GMDS: variants seen among roughly 807,000 people sequenced by gnomAD.
GMDS encodes GDP-mannose 4,6 dehydratase.
GMDS carries 20 observed loss-of-function variants against 49.9 expected under a neutral mutation model. That is an observed-to-expected ratio of 0.40 (90% confidence interval 0.28 to 0.58). The LOEUF (loss-of-function observed/expected upper bound fraction) is 0.58, where lower values mean the gene tolerates loss of function less well. GMDS is among the 20% of genes least tolerant of loss of function. GMDS has a pLI of 0.42. For missense variants in GMDS, 362 were observed against 481.4 expected (o/e 0.75, Z 2.32); for synonymous variants, 177 against 178.6 (o/e 0.99, Z 0.07).
chr6:2,214,341 T>A (rs564179533), intron 1 of GMDS, among the ~76,000 whole-genome samples: 198 of 152,290 alleles, frequency 1.3e-3, no homozygotes, highest in African/African-American at 4.3e-3. Flanking sequence ...CGGTTCCTCA[T>A]TGAGGATTCA....
intron 7 of GMDS, among the ~76,000 whole-genome samples, chr6:1,812,547 G>C (rs1374553234): frequency 6.6e-6 from 1 of 151,776 alleles, no homozygotes; most frequent in Admixed American, 6.6e-5. Flanking sequence ...AGGAGGAAGA[G>C]GAAGAGAAGG....
At position 1,710,402 on chromosome 6, in the gene GMDS, C is replaced by T. The variant is rs1009868619; in HGVS notation, c.987+16014G>A. ...TAGTTGATTTTCTTTTCCACGTCTG[C>T]GGCATTCATTCAGTCCCTAAACCCT... On this transcript the variant is annotated intron_variant, in intron 9 of 10. Coordinates refer to ENST00000380815, the MANE Select transcript of GMDS (RefSeq NM_001500.4). 7.2e-5 allele frequency among the ~76,000 whole-genome samples: 11 copies of T among 152,332 alleles called. 1 individual carries two copies. The highest frequency in any genetic ancestry group is 4.1e-4 in the South Asian group (2 of 4,828).
intron 9 of GMDS, among the ~76,000 whole-genome samples, chr6:1,645,734 T>TGGA (rs1219669808): frequency 2.0e-5 from 3 of 152,218 alleles, no homozygotes; most frequent in African/African-American, 7.2e-5. Flanking sequence ...TGCATTCTTC[T>TGGA]TTCCAGCCTG....
intron 7 of GMDS, among the ~76,000 whole-genome samples, chr6:1,830,420 C>A (rs1396731471): frequency 1.3e-5 from 2 of 152,206 alleles, no homozygotes; most frequent in Non-Finnish European, 1.5e-5. Context: ...GGATTGAGAA[C>A]CACTGTTCTA....
At chr6:1,707,633 C>T (rs980904877) in intron 9 of GMDS, among the ~76,000 whole-genome samples, 2 of 148,776 alleles carry the variant, frequency 1.3e-5, no homozygotes, top group African/African-American at 5.0e-5. Flanking sequence ...GCCCACCACA[C>T]ACAGGCCTGG....
chr6:1,964,665 G>C (rs1764160008), intron 4 of GMDS, among the ~76,000 whole-genome samples: 2 of 152,162 alleles, frequency 1.3e-5, no homozygotes, highest in Admixed American at 1.3e-4. Context: ...ATCCAATTTA[G>C]ATCACTAATA....
At chr6:1,831,072 A>G (rs1420335821) in intron 7 of GMDS, among the ~76,000 whole-genome samples, 1 of 152,278 alleles carries the variant, frequency 6.6e-6, no homozygotes, top group East Asian at 1.9e-4. Flanking sequence ...AGAATGATCC[A>G]GCAGAGTTAT....
chr6:2,111,231 C>G (rs574814317), intron 4 of GMDS, among the ~76,000 whole-genome samples: 11 of 152,288 alleles, frequency 7.2e-5, no homozygotes, highest in Non-Finnish European at 1.2e-4. Context: ...ACAAAAAAAG[C>G]AGTTTCCTAA....
intron 7 of GMDS, among the ~76,000 whole-genome samples, chr6:1,887,993 G>A (rs768812540): frequency 5.9e-5 from 9 of 151,978 alleles, no homozygotes; most frequent in Non-Finnish European, 1.3e-4. Flanking sequence ...CTGTGGCCTA[G>A]CCTGGAGTGT....
At chr6:1,790,253 C>T (rs1005686361) in intron 7 of GMDS, among the ~76,000 whole-genome samples, 1 of 152,052 alleles carries the variant, frequency 6.6e-6, no homozygotes, top group African/African-American at 2.4e-5. Context: ...CCCCTCTTCT[C>T]AAAAAGAAGA....
intron 7 of GMDS, among the ~76,000 whole-genome samples, chr6:1,851,051 A>G (rs1425067602): frequency 6.6e-6 from 1 of 152,240 alleles, no homozygotes; most frequent in Non-Finnish European, 1.5e-5. Context: ...CAGACTATAA[A>G]CAACAGCAAA....
chr6:2,224,993 C>T (rs1207045081), intron 1 of GMDS, among the ~76,000 whole-genome samples: 3 of 151,768 alleles, frequency 2.0e-5, no homozygotes, highest in East Asian at 2.0e-4. Context: ...AACGCACGTA[C>T]GTCCACACGA....
chr6:1,980,220 A>T (rs1052603153), intron 4 of GMDS, among the ~76,000 whole-genome samples: 1 of 152,160 alleles, frequency 6.6e-6, no homozygotes, highest in African/African-American at 2.4e-5. Flanking sequence ...AAATGGGCTA[A>T]ATGCTCCAAT....
intron 9 of GMDS, among the ~76,000 whole-genome samples, chr6:1,705,910 G>T (rs950387979): frequency 6.6e-6 from 1 of 152,210 alleles, no homozygotes; most frequent in African/African-American, 2.4e-5. Flanking sequence ...GCAATGAGAA[G>T]GGTGGCGGCG....
Position 1,974,756 on chromosome 6 carries a change from C to T in GMDS, c.346-13790G>A, listed in dbSNP as rs184338505. Among the ~76,000 whole-genome samples, 35 of 151,854 alleles carry T rather than the reference C, an allele frequency of 2.3e-4. No homozygotes were observed. In the East Asian group the frequency reaches 6.4e-3, roughly 28 times the overall value. ...ATAAAAAGGTAACCAATGGGCTGGG[C>T]ACGGTGGCTCATGCCTGCAATCCCA... On this transcript the variant is annotated intron_variant, in intron 4 of 10. Coordinates refer to ENST00000380815, the MANE Select transcript of GMDS (RefSeq NM_001500.4).
intron 1 of GMDS, among the ~76,000 whole-genome samples, chr6:2,155,475 T>G (rs758582223): frequency 1.3e-5 from 2 of 152,174 alleles, no homozygotes; most frequent in Non-Finnish European, 2.9e-5. Flanking sequence ...AAAATTTATT[T>G]TGGACCTCTC....
intron 1 of GMDS, among the ~76,000 whole-genome samples, chr6:2,160,130 C>T (rs545198547): frequency 1.3e-4 from 20 of 152,218 alleles, no homozygotes; most frequent in African/African-American, 4.8e-4. Flanking sequence ...ATAAACTTCT[C>T]CCCCATTAAA....
chr6:1,725,931 C>A (rs779222078), intron 9 of GMDS, among the ~76,000 whole-genome samples: 11 of 152,198 alleles, frequency 7.2e-5, no homozygotes, highest in Non-Finnish European at 1.0e-4. Flanking sequence ...GCTACATGGA[C>A]AGGGTGGTCC....
At chr6:2,184,797 T>C (rs528812750) in intron 1 of GMDS, among the ~76,000 whole-genome samples, 30 of 152,318 alleles carry the variant, frequency 2.0e-4, no homozygotes, top group Non-Finnish European at 3.5e-4. Flanking sequence ...CATATTACCA[T>C]AAAAGTCTCT....
Sources: gnomAD v4.1 joint callset for allele counts (sites outside exome capture counted in the v4.1 genomes callset) on GRCh38, gnomAD v4.1.1 for gene constraint, MANE v1.5 for transcripts, NCBI Gene and HGNC (gene_info 2026-07-23, HGNC 2026-07-21) for gene names.